Variants in THOC3 observed in about 807,000 individuals in gnomAD.
The protein encoded by THOC3 is TEX1 homolog.
Under a neutral mutation model 23.3 loss-of-function variants are expected in THOC3, and 4 were observed. The observed-to-expected ratio is 0.17, with a 90% CI of 0.08 to 0.39. The LOEUF (loss-of-function observed/expected upper bound fraction) is 0.39. Ranked by LOEUF, THOC3 falls within the 10% of genes least tolerant of loss-of-function variation. THOC3 has a pLI of 1.00. For missense variants in THOC3, 64 were observed against 359.4 expected (o/e 0.18, Z 6.65); for synonymous variants, 27 against 141.5 (o/e 0.19, Z 5.74).
Position 175,966,650 on chromosome 5 carries a change from A to G in THOC3, c.424+461T>C, listed in dbSNP as rs1581130915. 2.3e-5 allele frequency among the ~76,000 whole-genome samples: 3 copies of G among 128,318 alleles called. No homozygotes were observed. The East Asian group carries it at 6.4e-4, about 27-fold the overall frequency. 84.2% of individuals were successfully genotyped at this position (128,318 alleles called of 152,430 possible). A position where few individuals can be genotyped will look rare whatever the true frequency, so the allele number is the denominator to read the frequency against. On this transcript the variant is annotated intron_variant, in intron 2 of 5. Transcript: ENST00000265097. The stretch of plus-strand genomic sequence containing the variant: ...ACAACAGAGCCTATAAATGTACTGC[A>G]CAACTTTCTCCCAGATCACCAAGAC...
intron 5 of THOC3, 30 bp downstream of exon 5, chr5:175,961,021 G>A: frequency 1.8e-6 from 1 of 545,448 alleles, no homozygotes; most frequent in Admixed American, 3.6e-5. Flanking sequence ...ACTGCCAAAG[G>A]TGAAAGACGG....
At chr5:175,967,728 A>C (rs1581131488) in intron 1 of THOC3, among the ~76,000 whole-genome samples, 2 of 92,626 alleles carry the variant, frequency 2.2e-5, no homozygotes, top group African/African-American at 3.8e-5. Context: ...ACACGCCCCC[A>C]GTCTTCCTCT....
In THOC3 at chr5:175,967,647, G is replaced by A. The variant is rs554780439; in HGVS notation, c.267+295C>T. On this transcript the variant is annotated intron_variant, in intron 1 of 5. Coordinates refer to ENST00000265097, the MANE Select transcript of THOC3 (RefSeq NM_032361.4). ...ACTCCAAACCAGTAAGGCTCCCATC[G>A]CAGCCCTGTCCCATCCACCCTCTCC... is the stretch of plus-strand genomic sequence containing the variant. The A allele has an allele frequency of 9.6e-4, 310 of 321,328 alleles. 20 individuals carry two copies. The highest frequency in any genetic ancestry group is 1.6e-3 in the Non-Finnish European group (267 of 165,972). The allele number at this position is 321,328 out of a possible 1,614,324, so 19.9% of individuals were successfully genotyped here.
At chr5:175,962,077 T>A (rs185980630) in intron 3 of THOC3, among the ~76,000 whole-genome samples, 33 of 152,178 alleles carry the variant, frequency 2.2e-4, no homozygotes, top group Middle Eastern at 6.8e-3. Flanking sequence ...TGCACATGCT[T>A]ACAACATATA....
At chr5:175,966,390 G>A (rs1300468067) in intron 2 of THOC3, among the ~76,000 whole-genome samples, 1 of 151,280 alleles carries the variant, frequency 6.6e-6, no homozygotes, top group Non-Finnish European at 1.5e-5. Flanking sequence ...GATAAGTCTT[G>A]TCAACAAAGT....
rs865965377 is a variant in THOC3, at chr5:175,967,588, A to G, written c.268-321T>C. The G allele has an allele frequency of 3.4e-4, 57 of 169,372 alleles. 4 individuals are homozygous for G. The South Asian group carries it at 3.4e-3, about 10-fold the overall frequency. 10.5% of individuals were successfully genotyped at this position (169,372 alleles called of 1,614,324 possible). ...CCACCACCACCACCACCACCACCAC[A>G]GCCCCTAGCCACTTCTTATCAGCAC... On this transcript the variant is annotated intron_variant, in intron 1 of 5. Transcript: ENST00000265097.
intron 1 of THOC3, chr5:175,967,523 A>G (rs77254024): frequency 0.15 from 36,298 of 238,072 alleles, 3,103 homozygotes; most frequent in Non-Finnish European, 0.18. Context: ...CCCTTACTCT[A>G]CCACCAACGT....
rs367977934 is a variant in THOC3, at chr5:175,965,021, C to T, written c.559G>A (p.Glu187Lys). The T allele has an allele frequency of 8.6e-6, 13 of 1,505,956 alleles. No individual in the cohort carries two copies. In the African/African-American group the frequency reaches 8.7e-5, roughly 10 times the overall value. 93.3% of individuals were successfully genotyped at this position (1,505,956 alleles called of 1,614,324 possible). A position where few individuals can be genotyped will look rare whatever the true frequency, so the allele number is the denominator to read the frequency against. ...TTATTGTCATTGTTCCAGGAGATTT[C>T]GTTGACCTCGAACTTGAACTGCTCT... ...AEEQFKFEVN[E>K]ISWNNDNNMF... The change falls in exon 3 of 6, where the codon GAA becomes AAA. Residue 187 changes from glutamate to lysine, a missense_variant. Glu to Lys is a moderately conservative substitution (Grantham distance 56). Transcript: ENST00000265097.
chr5:175,962,171 G>C (rs1299117788), intron 3 of THOC3, among the ~76,000 whole-genome samples: 1 of 150,934 alleles, frequency 6.6e-6, no homozygotes, highest in African/African-American at 2.5e-5. Flanking sequence ...TCACATTGGT[G>C]GTAGCAGCAG....
At chr5:175,965,402 T>C in intron 2 of THOC3, 1 of 558,396 alleles carries the variant, frequency 1.8e-6, no homozygotes. Flanking sequence ...ATAAAATCTA[T>C]AAGATTTTAT....
chr5:175,965,236 G>A, intron 2 of THOC3, 81 bp from the exon 3 acceptor site: 4 of 1,583,588 alleles, frequency 2.5e-6, no homozygotes, highest in East Asian at 2.2e-5. Flanking sequence ...CTAGAAAGAA[G>A]ACCAGAGCTT....
intron 5 of THOC3, chr5:175,960,400 G>GT: frequency 3.5e-6 from 1 of 288,198 alleles, no homozygotes; most frequent in Non-Finnish European, 6.7e-6. Flanking sequence ...GCAGTTACAT[G>GT]AAGGATCTGC....
chr5:175,965,264 T>A lies in THOC3; in HGVS notation c.425-109A>T. On this transcript the variant is annotated intron_variant, in intron 2 of 5. Coordinates refer to ENST00000265097, the MANE Select transcript of THOC3 (RefSeq NM_032361.4). ...CAGAGCTTTCTTCCGGGCTTACTCA[T>A]TAAAGTCCTAGACAATGGAAGGGAG... is the stretch of plus-strand genomic sequence containing the variant. 12 of 1,489,484 alleles carry A rather than the reference T, an allele frequency of 8.1e-6. No individual in the cohort carries two copies. In the South Asian group the frequency reaches 1.6e-4, roughly 19 times the overall value. The allele number at this position is 1,489,484 out of a possible 1,614,324, so 92.3% of individuals were successfully genotyped here.
chr5:175,965,438 G>A (rs927587826), intron 2 of THOC3, among the ~76,000 whole-genome samples: 48 of 152,312 alleles, frequency 3.2e-4, no homozygotes, highest in Admixed American at 1.4e-3. Flanking sequence ...GAGATAAGAC[G>A]ACAAGCCAAA....
intron 2 of THOC3, among the ~76,000 whole-genome samples, chr5:175,965,699 A>G (rs533906049): frequency 9.1e-4 from 138 of 152,328 alleles, no homozygotes; most frequent in African/African-American, 2.3e-3. Context: ...TGCTGGGATT[A>G]CAGGCGTGAG....
rs1256180619 is a variant in THOC3 at position 175,960,503 on chromosome 5, T to C, written c.893-371A>G. The C allele has an allele frequency of 2.3e-5, 5 of 214,220 alleles. 1 individual carries two copies. Among genetic ancestry groups the C allele is most frequent in the African/African-American group, 1.2e-4 (5 of 42,132 alleles). 13.3% of individuals were successfully genotyped at this position (214,220 alleles called of 1,614,324 possible). On this transcript the variant is annotated intron_variant, in intron 5 of 5. Transcript: ENST00000265097. ...AATTTCAAGTTCTTTACTTTCCTCT[T>C]CGAAGTTTTCTATACAGTTTTAATC...
intron 3 of THOC3, among the ~76,000 whole-genome samples, chr5:175,962,755 C>T (rs1312589593): frequency 6.8e-6 from 1 of 147,292 alleles, no homozygotes; most frequent in Non-Finnish European, 1.5e-5. Context: ...GATCCACTCG[C>T]CTCGGCCTCC....
intron 2 of THOC3, among the ~76,000 whole-genome samples, chr5:175,966,309 C>T (rs1385995592): frequency 2.7e-5 from 4 of 149,782 alleles, no homozygotes; most frequent in African/African-American, 7.3e-5. Context: ...TGTTCACCCA[C>T]GCATCACCTG....
At chr5:175,965,445 CA>C in intron 2 of THOC3, among the ~76,000 whole-genome samples, 1 of 152,296 alleles carries the variant, frequency 6.6e-6, no homozygotes, top group Admixed American at 6.5e-5. Context: ...GACGACAAGC[CA>C]AAGTGTCAAA....
Sources: gnomAD v4.1 joint callset for allele counts (sites outside exome capture counted in the v4.1 genomes callset) on GRCh38, gnomAD v4.1.1 for gene constraint, MANE v1.5 for transcripts, NCBI Gene and HGNC (gene_info 2026-07-23, HGNC 2026-07-21) for gene names.